COLEC10: variants seen among roughly 807,000 people sequenced by gnomAD.
The protein encoded by COLEC10 is collectin subfamily member 10.
In COLEC10, 22 loss-of-function variants were observed where a neutral mutation model predicts 28.4. The ratio of observed to expected loss-of-function variants is 0.78; its 90% confidence interval spans 0.55 to 1.11. The LOEUF (loss-of-function observed/expected upper bound fraction) is 1.11. Among genes scored for constraint, COLEC10 ranks in the 50% least tolerant of loss-of-function variants. The pLI, the probability that COLEC10 is intolerant of heterozygous loss-of-function variation, is 0.00. For missense variants in COLEC10, 361 were observed against 344.1 expected (o/e 1.05, Z -0.39); for synonymous variants, 125 against 116.1 (o/e 1.08, Z -0.49).
At chr8:118,966,404 A>T in the COLEC10 span, among the ~76,000 whole-genome samples, 1 of 152,186 alleles carries the variant, frequency 6.6e-6, no homozygotes, top group African/African-American at 2.4e-5. Context: ...CAACGAAAAG[A>T]ATATTACATT....
At chr8:119,083,159 A>G (rs567941894) in intron 1 of COLEC10, among the ~76,000 whole-genome samples, 60 of 152,316 alleles carry the variant, frequency 3.9e-4, no homozygotes, top group African/African-American at 1.3e-3. Context: ...AAGGGATTCA[A>G]TCTGAGTTAG....
chr8:119,048,279 T>C (rs894765901), intron 2 of COLEC10, among the ~76,000 whole-genome samples: 1 of 152,176 alleles, frequency 6.6e-6, no homozygotes, highest in African/African-American at 2.4e-5. Flanking sequence ...TCGCTTAGAA[T>C]TATAATCTAC....
the COLEC10 span, among the ~76,000 whole-genome samples, chr8:118,968,214 A>G: frequency 1.3e-5 from 2 of 152,050 alleles, no homozygotes; most frequent in Non-Finnish European, 2.9e-5. Context: ...GGCCTGATTC[A>G]GATTCACTTC....
intron 1 of COLEC10, chr8:119,068,842 T>G (rs1815027276): frequency 1.3e-5 from 2 of 152,070 alleles, no homozygotes; most frequent in South Asian, 4.2e-4. Flanking sequence ...GTTCTAGAAC[T>G]AAGTCTGTTA....
the COLEC10 span, among the ~76,000 whole-genome samples, chr8:118,965,280 G>A: frequency 1.3e-5 from 2 of 152,008 alleles, no homozygotes; most frequent in African/African-American, 4.8e-5. Flanking sequence ...AGAGAACTCA[G>A]GCTCTTTCTA....
chr8:119,028,010 T>C (rs1416788853), intron 2 of COLEC10, among the ~76,000 whole-genome samples: 1 of 152,204 alleles, frequency 6.6e-6, no homozygotes, highest in African/African-American at 2.4e-5. Flanking sequence ...AGGATCTGTG[T>C]CAAGGATCTG....
chr8:119,071,519 A>C (rs1442143282), intron 1 of COLEC10, among the ~76,000 whole-genome samples: 1 of 152,178 alleles, frequency 6.6e-6, no homozygotes, highest in Non-Finnish European at 1.5e-5. Context: ...TCCCAAGGAT[A>C]GTTCCTTCTC....
At chr8:119,083,824 A>G (rs931616274) in intron 1 of COLEC10, among the ~76,000 whole-genome samples, 1 of 152,160 alleles carries the variant, frequency 6.6e-6, no homozygotes, top group South Asian at 2.1e-4. Context: ...ATGTAAGTAT[A>G]AATTATTTAG....
chr8:119,015,699 G>A (rs1236284382), intron 2 of COLEC10, among the ~76,000 whole-genome samples: 1 of 152,150 alleles, frequency 6.6e-6, no homozygotes, highest in Admixed American at 6.6e-5. Context: ...GCCTCAGTAA[G>A]TTGTAAGTTT....
rs115258362 is a variant in COLEC10, at chr8:119,012,410, G to A, written n.235+2857G>A. On this transcript the variant is annotated intron_variant and non_coding_transcript_variant, in intron 2 of 6. Coordinates refer to the COLEC10 transcript ENST00000521788. ...GATTTTTGCATATATGTTCATGAGC[G>A]ACACTGGTCTGTAGTTTTTTTTCTT... Among the ~76,000 whole-genome samples the A allele has an allele frequency of 2.9e-3, 440 of 150,666 alleles. 37 individuals are homozygous for A. Among genetic ancestry groups the A allele is most frequent in the African/African-American group, 0.01 (419 of 40,400 alleles).
intron 1 of COLEC10, among the ~76,000 whole-genome samples, chr8:119,006,907 A>T (rs911905529): frequency 2.0e-5 from 3 of 152,136 alleles, no homozygotes; most frequent in African/African-American, 7.2e-5. Context: ...ATATTTTCTA[A>T]TCATAATTTT....
At chr8:119,075,921 G>A in intron 1 of COLEC10, among the ~76,000 whole-genome samples, 1 of 75,062 alleles carries the variant, frequency 1.3e-5, no homozygotes, top group African/African-American at 4.8e-5. Context: ...TTTTTTGTGA[G>A]ACAGAGTCTC....
At chr8:118,999,839 T>C (rs2130059163) in intron 1 of COLEC10, among the ~76,000 whole-genome samples, 1 of 152,224 alleles carries the variant, frequency 6.6e-6, no homozygotes, top group African/African-American at 2.4e-5. Flanking sequence ...AACAGTTCAA[T>C]TACAGTGAGG....
Position 119,092,872 on chromosome 8 carries a change from C to G in COLEC10, c.292+1652C>G, listed in dbSNP as rs1202126329. On this transcript the variant is annotated intron_variant, in intron 3 of 5. Coordinates refer to ENST00000332843, the MANE Select transcript of COLEC10 (RefSeq NM_006438.5). ...ATTGAGCCAAGATCATGTCACTGCA[C>G]TCCAGCTTGGGAGATAGAGTGAGAT... Among the ~76,000 whole-genome samples, 3 of 151,964 alleles carry G rather than the reference C, an allele frequency of 2.0e-5. No individual in the cohort carries two copies. The East Asian group carries it at 5.8e-4, about 29-fold the overall frequency.
rs1815985634 is a variant in COLEC10 at position 119,107,977 on chromosome 8, T to G, written c.*1786T>G. Among the ~76,000 whole-genome samples the G allele has an allele frequency of 6.6e-6, 1 of 152,198 alleles. No homozygotes were observed. The highest frequency in any genetic ancestry group is 2.4e-5 in the African/African-American group (1 of 41,462). On this transcript the variant is annotated 3_prime_UTR_variant, in exon 6 of 6. Coordinates refer to ENST00000332843, the MANE Select transcript of COLEC10 (RefSeq NM_006438.5). The stretch of plus-strand genomic sequence containing the variant: ...AGTTGTGATCATTTCATTTCTTACT[T>G]CTGGAGGAAGGTTCAGAAGGTTCTA...
At chr8:119,000,430 C>T (rs1813673462) in intron 1 of COLEC10, among the ~76,000 whole-genome samples, 1 of 152,082 alleles carries the variant, frequency 6.6e-6, no homozygotes, top group South Asian at 2.1e-4. Context: ...TTTCTCCTAC[C>T]ATCCTGGAGC....
intron 1 of COLEC10, among the ~76,000 whole-genome samples, chr8:119,005,941 C>A (rs1045360630): frequency 1.3e-5 from 2 of 152,070 alleles, no homozygotes; most frequent in African/African-American, 4.8e-5. Context: ...ACAGCTCTGT[C>A]CACTAGGAGG....
At position 119,008,491 on chromosome 8, in the gene COLEC10, T is replaced by G. The variant is rs78849856; in HGVS notation, n.123-950T>G. Among the ~76,000 whole-genome samples, 461 of 150,272 alleles carry G rather than the reference T, an allele frequency of 3.1e-3. 17 individuals carry two copies. Among genetic ancestry groups the G allele is most frequent in the East Asian group, 6.8e-3 (35 of 5,150 alleles). On this transcript the variant is annotated intron_variant and non_coding_transcript_variant, in intron 1 of 6. Transcript: ENST00000521788. ...TATTTTTACTTTTTATTTTTTTTTT[T>G]GCCATCGGGATTTGGCTTGTGCTTA...
intron 2 of COLEC10, among the ~76,000 whole-genome samples, chr8:119,049,500 C>T (rs781105053): frequency 2.9e-4 from 40 of 135,866 alleles, no homozygotes; most frequent in East Asian, 1.6e-3. Flanking sequence ...CTGCAGGCTT[C>T]GCCTCCAGGG....
Sources: gnomAD v4.1 joint callset for allele counts (sites outside exome capture counted in the v4.1 genomes callset) on GRCh38, gnomAD v4.1.1 for gene constraint, MANE v1.5 for transcripts, NCBI Gene and HGNC (gene_info 2026-07-23, HGNC 2026-07-21) for gene names.